ZNF536: variants seen among roughly 807,000 people sequenced by gnomAD.
ZNF536 encodes the protein zinc finger protein 536.
Under a neutral mutation model 84.5 loss-of-function variants are expected in ZNF536, and 13 were observed. The ratio of observed to expected loss-of-function variants is 0.15; its 90% CI spans 0.10 to 0.24. The LOEUF (loss-of-function observed/expected upper bound fraction) is 0.24, where lower values mean the gene tolerates loss of function less well. Among genes scored for constraint, ZNF536 ranks in the 10% least tolerant of loss-of-function variants. ZNF536 has a pLI of 1.00. For missense variants in ZNF536, 1,536 were observed against 1,747.5 expected (o/e 0.88, Z 2.16); for synonymous variants, 811 against 742.5 (o/e 1.09, Z -1.50).
intron 3 of ZNF536, among the ~76,000 whole-genome samples, chr19:30,360,001 C>G (rs1391255388): frequency 6.6e-6 from 1 of 152,196 alleles, no homozygotes; most frequent in Non-Finnish European, 1.5e-5. Context: ...CTTCCTGGTC[C>G]AGACTCTTCT....
chr19:30,542,800 C>T (rs1372670919), intron 3 of ZNF536, among the ~76,000 whole-genome samples: 1 of 152,094 alleles, frequency 6.6e-6, no homozygotes, highest in Non-Finnish European at 1.5e-5. Context: ...ACACAGAAAC[C>T]TCATAGATAT....
At chr19:30,438,534 C>A (rs879788330) in intron 1 of ZNF536, among the ~76,000 whole-genome samples, 4 of 151,886 alleles carry the variant, frequency 2.6e-5, no homozygotes, top group African/African-American at 9.7e-5. Flanking sequence ...TGGCAGGAGG[C>A]CCCTCCAGGG....
At chr19:30,515,340 G>A (rs547989793) in intron 2 of ZNF536, among the ~76,000 whole-genome samples, 23 of 152,346 alleles carry the variant, frequency 1.5e-4, no homozygotes, top group African/African-American at 5.3e-4. Context: ...TGCTTTGAAA[G>A]CACATAGAAT....
At chr19:30,707,389 C>T (rs993720998) in intron 1 of ZNF536, among the ~76,000 whole-genome samples, 9 of 152,218 alleles carry the variant, frequency 5.9e-5, no homozygotes, top group African/African-American at 9.6e-5. Context: ...AGTTGTCCTT[C>T]GCCTCCCAAC....
At chr19:30,703,003 C>T (rs2052052438) in intron 1 of ZNF536, among the ~76,000 whole-genome samples, 1 of 152,174 alleles carries the variant, frequency 6.6e-6, no homozygotes, top group Non-Finnish European at 1.5e-5. Flanking sequence ...AGCAGCCAGA[C>T]TGAGGAAGAG....
intron 2 of ZNF536, among the ~76,000 whole-genome samples, chr19:30,513,612 A>G (rs1203553380): frequency 6.6e-6 from 1 of 152,214 alleles, no homozygotes; most frequent in African/African-American, 2.4e-5. Context: ...AAGGCATCTA[A>G]TATCAGAAGA....
At chr19:30,241,705 G>T (rs377305764) in intron 1 of ZNF536, among the ~76,000 whole-genome samples, 1 of 152,242 alleles carries the variant, frequency 6.6e-6, no homozygotes, top group Non-Finnish European at 1.5e-5. Flanking sequence ...ACCAGGCTCT[G>T]CAGATCTTTG....
intron 1 of ZNF536, among the ~76,000 whole-genome samples, chr19:30,687,779 A>G (rs2051247569): frequency 6.6e-6 from 1 of 152,160 alleles, no homozygotes; most frequent in Non-Finnish European, 1.5e-5. Flanking sequence ...TAAAATACAC[A>G]CAAATATTTA....
At chr19:30,638,966 C>G (rs1368958722) in intron 1 of ZNF536, among the ~76,000 whole-genome samples, 5 of 152,188 alleles carry the variant, frequency 3.3e-5, no homozygotes, top group Non-Finnish European at 7.3e-5. Flanking sequence ...CATTTTCTAC[C>G]TAAACTCCTT....
At chr19:30,525,111 C>T (rs2044519914) in intron 2 of ZNF536, among the ~76,000 whole-genome samples, 1 of 152,110 alleles carries the variant, frequency 6.6e-6, no homozygotes, top group African/African-American at 2.4e-5. Flanking sequence ...ACACTTTAGT[C>T]TTCTAAGGAG....
Position 30,444,477 on chromosome 19 carries a change from C to T in ZNF536, c.915C>T (p.Cys305=), listed in dbSNP as rs551108092. 8.7e-6 allele frequency: 14 copies of T among 1,610,650 alleles called. No individual in the cohort carries two copies. The African/African-American group carries it at 1.3e-4, about 15-fold the overall frequency. The change falls in exon 2 of 5, where the codon TGC becomes TGT. Residue 305 remains cysteine (C), a synonymous_variant. Transcript: ENST00000355537. ...ILHKPYKCTL[C]DFAASQEEEL... ...ACAAGCCCTACAAGTGCACGTTGTG[C>T]GACTTCGCGGCTTCGCAGGAGGAGG... is the stretch of plus-strand genomic sequence containing the variant.
chr19:30,457,343 G>A (rs1189693884), intron 2 of ZNF536, among the ~76,000 whole-genome samples: 1 of 152,382 alleles, frequency 6.6e-6, no homozygotes, highest in East Asian at 1.9e-4. Flanking sequence ...TTTAGCCACT[G>A]TGGCTGGCTG....
chr19:30,241,790 A>G (rs1398767614), intron 1 of ZNF536, among the ~76,000 whole-genome samples: 2 of 152,178 alleles, frequency 1.3e-5, no homozygotes, highest in African/African-American at 2.4e-5. Context: ...ACACGGAAGT[A>G]TATGCGCCAT....
At chr19:30,425,343 G>A (rs762226688) in intron 1 of ZNF536, among the ~76,000 whole-genome samples, 5 of 152,164 alleles carry the variant, frequency 3.3e-5, no homozygotes, top group Non-Finnish European at 5.9e-5. Context: ...GTCTGGAAGG[G>A]AGGGCATATT....
chr19:30,425,535 C>T (rs191918263), intron 1 of ZNF536, among the ~76,000 whole-genome samples: 39 of 152,266 alleles, frequency 2.6e-4, no homozygotes, highest in African/African-American at 9.1e-4. Context: ...CCTCCTTCAC[C>T]TCCTCAGCAC....
chr19:30,534,203 T>C (rs2044975529), intron 2 of ZNF536, among the ~76,000 whole-genome samples: 1 of 152,222 alleles, frequency 6.6e-6, no homozygotes, highest in African/African-American at 2.4e-5. Context: ...GCTGAGTCTC[T>C]GCATATGACT....
chr19:30,712,675 AC>A (rs1459234552), exon 2 of ZNF536: 3 of 152,224 alleles, frequency 2.0e-5, no homozygotes, highest in Non-Finnish European at 4.4e-5. Context: ...TCGCTGTGCA[AC>A]TTGGACCCAT....
At chr19:30,486,904 G>C (rs1599552587) in intron 2 of ZNF536, among the ~76,000 whole-genome samples, 4 of 152,148 alleles carry the variant, frequency 2.6e-5, no homozygotes, top group African/African-American at 9.7e-5. Context: ...CCTAAGGAGG[G>C]AATAAAACTA....
intron 2 of ZNF536, among the ~76,000 whole-genome samples, chr19:30,344,755 G>T (rs1036903156): frequency 6.6e-6 from 1 of 152,146 alleles, no homozygotes; most frequent in Admixed American, 6.5e-5. Context: ...GGAGACCCCT[G>T]CATTCATCCC....
Sources: gnomAD v4.1 joint callset for allele counts (sites outside exome capture counted in the v4.1 genomes callset) on GRCh38, gnomAD v4.1.1 for gene constraint, MANE v1.5 for transcripts, NCBI Gene and HGNC (gene_info 2026-07-23, HGNC 2026-07-21) for gene names.